CFAP90: variants seen among roughly 807,000 people sequenced by gnomAD.
The protein encoded by CFAP90 is cilia- and flagella-associated protein 90.
At chr5:7,850,910 G>T in the CFAP90 span, 1 of 1,361,114 alleles carries the variant, frequency 7.3e-7, no homozygotes, top group Non-Finnish European at 9.5e-7. Flanking sequence ...TGCTCTTTGG[G>T]GTCCAGGCGC....
At chr5:7,841,798 G>T in the CFAP90 span, among the ~76,000 whole-genome samples, 1 of 152,076 alleles carries the variant, frequency 6.6e-6, no homozygotes, top group African/African-American at 2.4e-5. Context: ...ACACATGGGG[G>T]GTGGGCAACA....
the CFAP90 span, among the ~76,000 whole-genome samples, chr5:7,842,939 CG>C: frequency 1.3e-5 from 2 of 152,144 alleles, no homozygotes; most frequent in East Asian, 3.9e-4. Context: ...TCCAGCACAC[CG>C]GCGGTTAAGA....
the CFAP90 span, among the ~76,000 whole-genome samples, chr5:7,832,849 C>T: frequency 2.6e-5 from 4 of 152,132 alleles, no homozygotes; most frequent in Admixed American, 6.5e-5. Context: ...GGGCTTTTTT[C>T]TGAAAAACTA....
the CFAP90 span, chr5:7,835,543 T>C: frequency 1.6e-6 from 2 of 1,213,308 alleles, no homozygotes; most frequent in East Asian, 2.3e-5. Context: ...ATTTGAAGGC[T>C]GGGTCATTGA....
chr5:7,837,871 C>T, the CFAP90 span, among the ~76,000 whole-genome samples: 5 of 152,324 alleles, frequency 3.3e-5, no homozygotes, highest in East Asian at 5.8e-4. Context: ...CACTCTAATC[C>T]GCTTGAAGGA....
the CFAP90 span, among the ~76,000 whole-genome samples, chr5:7,833,249 G>A: frequency 6.6e-6 from 1 of 151,926 alleles, no homozygotes; most frequent in African/African-American, 2.4e-5. Context: ...GAGCAGCTGA[G>A]CACAATATTA....
the CFAP90 span, among the ~76,000 whole-genome samples, chr5:7,841,816 G>A: frequency 2.0e-5 from 3 of 152,108 alleles, no homozygotes; most frequent in Non-Finnish European, 2.9e-5. Context: ...ACACACACTG[G>A]GGCCTGTCAG....
At chr5:7,842,610 C>A in the CFAP90 span, among the ~76,000 whole-genome samples, 1 of 152,106 alleles carries the variant, frequency 6.6e-6, no homozygotes, top group East Asian at 1.9e-4. Context: ...ACTCCTAGGC[C>A]CTAGTAATAG....
chr5:7,841,104 G>A, the CFAP90 span, among the ~76,000 whole-genome samples: 1 of 151,912 alleles, frequency 6.6e-6, no homozygotes, highest in African/African-American at 2.4e-5. Flanking sequence ...TCTGACAAAG[G>A]TCTAATATCC....
chr5:7,836,818 G>A, the CFAP90 span, among the ~76,000 whole-genome samples: 3 of 152,020 alleles, frequency 2.0e-5, no homozygotes, highest in African/African-American at 4.8e-5. Context: ...GCAGATAAGC[G>A]AACTTTAGAG....
At chr5:7,831,959 G>T in the CFAP90 span, 1 of 1,614,074 alleles carries the variant, frequency 6.2e-7, no homozygotes, top group Non-Finnish European at 8.5e-7. Context: ...CCGGTTTAGG[G>T]GCTCAATGGG....
the CFAP90 span, chr5:7,831,889 G>T: frequency 3.7e-6 from 6 of 1,613,766 alleles, no homozygotes; most frequent in South Asian, 1.1e-5. Context: ...GTTCCTTGAG[G>T]CTGGGGATGT....
the CFAP90 span, among the ~76,000 whole-genome samples, chr5:7,841,212 A>C: frequency 6.6e-6 from 1 of 152,242 alleles, no homozygotes; most frequent in Non-Finnish European, 1.5e-5. Flanking sequence ...ACATGTGGCC[A>C]ACAAACATGA....
At chr5:7,835,998 G>A in the CFAP90 span, among the ~76,000 whole-genome samples, 5 of 152,100 alleles carry the variant, frequency 3.3e-5, no homozygotes, top group African/African-American at 1.2e-4. Flanking sequence ...ATGATTCACA[G>A]GTGGTGTCTT....
the CFAP90 span, among the ~76,000 whole-genome samples, chr5:7,840,502 A>G: frequency 6.6e-6 from 1 of 152,230 alleles, no homozygotes; most frequent in Non-Finnish European, 1.5e-5. Flanking sequence ...TATAAATGGA[A>G]TAAGAGAGGT....
chr5:7,845,513 A>G, the CFAP90 span, among the ~76,000 whole-genome samples: 1 of 152,218 alleles, frequency 6.6e-6, no homozygotes, highest in Non-Finnish European at 1.5e-5. Context: ...CCCCCTCAGC[A>G]TGAGGGAAAG....
At chr5:7,836,963 G>A in the CFAP90 span, among the ~76,000 whole-genome samples, 2 of 152,034 alleles carry the variant, frequency 1.3e-5, no homozygotes, top group African/African-American at 4.8e-5. Flanking sequence ...TTGGTGTATT[G>A]GTTCCTGAAC....
the CFAP90 span, chr5:7,831,921 C>T: frequency 1.2e-6 from 2 of 1,614,122 alleles, no homozygotes; most frequent in Non-Finnish European, 1.7e-6. Context: ...TAGAAGTCAG[C>T]CTGCACATGG....
the CFAP90 span, chr5:7,835,545 G>A: frequency 1.8e-6 from 2 of 1,114,882 alleles, no homozygotes; most frequent in African/African-American, 1.6e-5. Flanking sequence ...TTGAAGGCTG[G>A]GTCATTGAGG....
Sources: gnomAD v4.1 joint callset for allele counts (sites outside exome capture counted in the v4.1 genomes callset) on GRCh38, gnomAD v4.1.1 for gene constraint, MANE v1.5 for transcripts, NCBI Gene and HGNC (gene_info 2026-07-23, HGNC 2026-07-21) for gene names.